LRBA: variants seen among roughly 807,000 people sequenced by gnomAD.
LRBA encodes lipopolysaccharide-responsive and beige-like anchor protein.
In LRBA, 176 loss-of-function variants were observed where a neutral mutation model predicts 330.0. The ratio of observed to expected loss-of-function variants is 0.53; its 90% CI spans 0.47 to 0.60. LRBA has a LOEUF of 0.60. Among genes scored for constraint, LRBA ranks in the 20% least tolerant of loss-of-function variants. The pLI is 0.00. For missense variants in LRBA, 3,259 were observed against 3,444.8 expected (o/e 0.95, Z 1.35); for synonymous variants, 1,230 against 1,193.0 (o/e 1.03, Z -0.64).
chr4:151,013,593 A>T (rs189747101), intron 2 of LRBA: 9 of 152,348 alleles, frequency 5.9e-5, no homozygotes, highest in Admixed American at 1.3e-4. Context: ...CTATACAGTG[A>T]TGCATGCCTA....
chr4:150,504,723 G>C (rs1484231768), intron 40 of LRBA, among the ~76,000 whole-genome samples: 1 of 152,146 alleles, frequency 6.6e-6, no homozygotes, highest in East Asian at 1.9e-4. Flanking sequence ...ATAATGACAG[G>C]ATCAAATTCA....
intron 40 of LRBA, among the ~76,000 whole-genome samples, chr4:150,516,215 CTCTTTTT>C (rs1400412919): frequency 4.6e-5 from 4 of 86,712 alleles, no homozygotes; most frequent in African/African-American, 1.4e-4. Context: ...ATTTTCTATT[CTCTTTTT>C]TTTTTTTTTT....
At chr4:150,969,732 A>C (rs1739307602) in intron 2 of LRBA, among the ~76,000 whole-genome samples, 1 of 152,178 alleles carries the variant, frequency 6.6e-6, no homozygotes, top group African/African-American at 2.4e-5. Context: ...AGCCTCCCAA[A>C]GTGCTGAGAT....
At chr4:150,625,272 C>T (rs759553368) in intron 37 of LRBA, among the ~76,000 whole-genome samples, 5 of 152,082 alleles carry the variant, frequency 3.3e-5, no homozygotes, top group Non-Finnish European at 7.4e-5. Context: ...AGCAAATTTA[C>T]CAAGAGATAT....
At chr4:150,746,255 G>T (rs924426095) in intron 35 of LRBA, among the ~76,000 whole-genome samples, 3 of 151,986 alleles carry the variant, frequency 2.0e-5, no homozygotes, top group African/African-American at 7.3e-5. Flanking sequence ...TTACTTAACC[G>T]TATACCATTA....
Position 150,921,206 on chromosome 4 carries a change from T to A in LRBA, c.637A>T (p.Ser213Cys). The change falls in exon 5 of 57, where the codon AGT becomes TGT. Residue 213 changes from serine (S) to cysteine (C), a missense_variant. Transcript: ENST00000651943. ...CATTAATATTTACTTACTGCAGCAC[T>A]CTTTCCTGGAAAGTTAAAAAAGGCA... ...PDAFFNFPGK[S>C]AAAIALPPIA... is the part of the protein sequence containing the mutation. 6.2e-7 allele frequency: 1 copy of A among 1,605,242 alleles called. No homozygotes were observed. The highest frequency in any genetic ancestry group is 1.1e-5 in the South Asian group (1 of 90,808).
chr4:150,655,701 G>C lies in LRBA; in HGVS notation c.5921+27850C>G, dbSNP rs535887410. On this transcript the variant is annotated intron_variant, in intron 37 of 56. Coordinates refer to ENST00000651943, the MANE Select transcript of LRBA (RefSeq NM_001364905.1). The stretch of plus-strand genomic sequence containing the variant: ...TTCTGTCTTTTCACACCACTGACAA[G>C]AGCAATGCTTATCAATTTATTTCAC... 2.6e-5 allele frequency among the ~76,000 whole-genome samples: 4 copies of C among 152,266 alleles called. No individual in the cohort carries two copies. In the East Asian group the frequency reaches 5.8e-4, roughly 22 times the overall value.
chr4:150,824,937 G>A (rs777605432), intron 30 of LRBA, among the ~76,000 whole-genome samples: 1 of 151,694 alleles, frequency 6.6e-6, no homozygotes, highest in Non-Finnish European at 1.5e-5. Flanking sequence ...ACCATGCCCA[G>A]CTAATCTTTT....
intron 51 of LRBA, among the ~76,000 whole-genome samples, chr4:150,311,946 A>T (rs959495381): frequency 6.6e-6 from 1 of 152,168 alleles, no homozygotes; most frequent in Non-Finnish European, 1.5e-5. Context: ...CAATTAAAAC[A>T]AGGTATGTGG....
intron 47 of LRBA, among the ~76,000 whole-genome samples, chr4:150,359,965 G>C (rs1738444041): frequency 1.4e-5 from 2 of 140,774 alleles, no homozygotes; most frequent in African/African-American, 5.2e-5. Flanking sequence ...GGGTGACAGA[G>C]CAAGACTCCG....
At chr4:150,468,524 T>C (rs989330672) in intron 43 of LRBA, among the ~76,000 whole-genome samples, 3 of 152,046 alleles carry the variant, frequency 2.0e-5, no homozygotes, top group Admixed American at 6.6e-5. Context: ...TTTTTGGATA[T>C]TACCTTTTTA....
At chr4:150,396,130 G>A (rs1561116323) in intron 47 of LRBA, among the ~76,000 whole-genome samples, 2 of 152,126 alleles carry the variant, frequency 1.3e-5, no homozygotes, top group South Asian at 4.1e-4. Flanking sequence ...ACTAACATGG[G>A]CAGGTATCAT....
intron 32 of LRBA, among the ~76,000 whole-genome samples, chr4:150,807,326 C>A (rs559517784): frequency 2.0e-5 from 3 of 152,226 alleles, no homozygotes; most frequent in African/African-American, 7.2e-5. Flanking sequence ...ACAGGCACTG[C>A]TCTAAATACT....
intron 40 of LRBA, among the ~76,000 whole-genome samples, chr4:150,508,156 A>G (rs1363159965): frequency 6.9e-6 from 1 of 144,142 alleles, no homozygotes; most frequent in Non-Finnish European, 1.5e-5. Context: ...CAGCACACCA[A>G]CATGGCACAT....
intron 37 of LRBA, among the ~76,000 whole-genome samples, chr4:150,683,219 T>C (rs974563757): frequency 1.3e-5 from 2 of 152,146 alleles, no homozygotes; most frequent in African/African-American, 4.8e-5. Context: ...TAAGTGTAGA[T>C]AGTAAGATAG....
At chr4:150,267,003 A>G (rs1255914412) in intron 56 of LRBA, among the ~76,000 whole-genome samples, 2 of 152,242 alleles carry the variant, frequency 1.3e-5, no homozygotes, top group Admixed American at 6.5e-5. Context: ...TCACAGAAAT[A>G]TAACAATTAT....
chr4:150,400,860 G>T (rs1025272698), intron 47 of LRBA, among the ~76,000 whole-genome samples: 12 of 152,080 alleles, frequency 7.9e-5, no homozygotes, highest in African/African-American at 2.9e-4. Flanking sequence ...AATAAAAAAA[G>T]AAGTTTTCTT....
At chr4:150,490,572 C>G (rs1339957698) in intron 41 of LRBA, among the ~76,000 whole-genome samples, 1 of 151,840 alleles carries the variant, frequency 6.6e-6, no homozygotes, top group Non-Finnish European at 1.5e-5. Context: ...GTCCTCTCCT[C>G]TCCCCAAATG....
intron 47 of LRBA, among the ~76,000 whole-genome samples, chr4:150,373,622 TACTC>T (rs1423768810): frequency 3.3e-5 from 5 of 152,220 alleles, no homozygotes; most frequent in African/African-American, 7.2e-5. Flanking sequence ...ACCCTCAAAA[TACTC>T]ACTATTTTTG....
Sources: gnomAD v4.1 joint callset for allele counts (sites outside exome capture counted in the v4.1 genomes callset) on GRCh38, gnomAD v4.1.1 for gene constraint, MANE v1.5 for transcripts, NCBI Gene and HGNC (gene_info 2026-07-23, HGNC 2026-07-21) for gene names.